Variants in ANKRD45 observed in about 807,000 individuals in gnomAD.
ANKRD45 encodes ankyrin repeat domain 45.
In ANKRD45, 21 loss-of-function variants were observed where a neutral mutation model predicts 28.1. The ratio of observed to expected loss-of-function variants is 0.75; its 90% CI spans 0.53 to 1.08. The LOEUF (loss-of-function observed/expected upper bound fraction) is 1.08, where lower values mean the gene tolerates loss of function less well. Among genes scored for constraint, ANKRD45 ranks in the 50% least tolerant of loss-of-function variants. The probability of loss-of-function intolerance (pLI) is 0.00; values close to 1 mark genes in which losing one functional copy is unlikely to be tolerated. For synonymous variants in ANKRD45, 86 were observed against 103.9 expected (o/e 0.83, Z 1.05); for missense variants, 261 against 308.7 (o/e 0.85, Z 1.16).
At chr1:173,681,654 C>T in the ANKRD45 span, among the ~76,000 whole-genome samples, 51 of 152,070 alleles carry the variant, frequency 3.4e-4, no homozygotes, top group South Asian at 7.3e-3. Flanking sequence ...AGCTACATAG[C>T]CTTAAATTTG....
chr1:173,638,156 C>G (rs1248631717), intron 3 of ANKRD45, among the ~76,000 whole-genome samples: 4 of 151,804 alleles, frequency 2.6e-5, no homozygotes, highest in Non-Finnish European at 5.9e-5. Flanking sequence ...TGCATGAACA[C>G]AAACAGGAAG....
intron 2 of ANKRD45, chr1:173,658,179 C>T: frequency 5.8e-6 from 1 of 172,008 alleles, no homozygotes; most frequent in Non-Finnish European, 1.3e-5. Flanking sequence ...CAAAAATTAG[C>T]CAGGCGTGGT....
intron 1 of ANKRD45, among the ~76,000 whole-genome samples, chr1:173,665,394 A>G (rs1669963373): frequency 6.6e-6 from 1 of 152,172 alleles, no homozygotes; most frequent in African/African-American, 2.4e-5. Context: ...ATGAATAAAT[A>G]ATTTTCTACC....
rs966983313 is a variant in ANKRD45, at chr1:173,609,564, G to C, written c.*581C>G. 2.0e-5 allele frequency: 3 copies of C among 152,332 alleles called. No homozygotes were observed. Among genetic ancestry groups the C allele is most frequent in the Non-Finnish European group, 4.4e-5 (3 of 68,186 alleles). 9.4% of individuals were successfully genotyped at this position (152,332 alleles called of 1,614,324 possible). On this transcript the variant is annotated 3_prime_UTR_variant, in exon 6 of 6. Transcript: ENST00000333279. ...TTACAGAATAGGAGAACTCTTCTAA[G>C]TATAAAACTATACAGATTTGTGTTT...
At chr1:173,709,966 C>T in the ANKRD45 span, among the ~76,000 whole-genome samples, 7 of 152,236 alleles carry the variant, frequency 4.6e-5, no homozygotes, top group Non-Finnish European at 8.8e-5. Context: ...TTTCAATTAC[C>T]GCAATCGTAA....
At chr1:173,647,332 G>A (rs1210095337) in intron 2 of ANKRD45, among the ~76,000 whole-genome samples, 1 of 152,132 alleles carries the variant, frequency 6.6e-6, no homozygotes, top group Non-Finnish European at 1.5e-5. Context: ...TCAACATCAT[G>A]GGAGGAAGAT....
At chr1:173,613,865 G>T (rs1197797203) in intron 5 of ANKRD45, among the ~76,000 whole-genome samples, 3 of 152,344 alleles carry the variant, frequency 2.0e-5, no homozygotes, top group African/African-American at 7.2e-5. Context: ...AAATCAGATT[G>T]TTGCTGTGTC....
chr1:173,698,737 C>A, the ANKRD45 span, among the ~76,000 whole-genome samples: 2 of 152,058 alleles, frequency 1.3e-5, no homozygotes, highest in Non-Finnish European at 2.9e-5. Flanking sequence ...GAAATCAACA[C>A]CCTAACATCA....
chr1:173,669,336 C>A, intron 1 of ANKRD45: 1 of 425,382 alleles, frequency 2.4e-6, no homozygotes, highest in Non-Finnish European at 4.6e-6. Flanking sequence ...GGCGACGCAG[C>A]CTGAAGTTGT....
At chr1:173,683,571 AAGATAGCTCATG>A in the ANKRD45 span, among the ~76,000 whole-genome samples, 2 of 152,132 alleles carry the variant, frequency 1.3e-5, no homozygotes, top group African/African-American at 4.8e-5. Context: ...TTGAACCATT[AAGATAGCTCATG>A]CTGGTACCAA....
At chr1:173,712,755 T>C in the ANKRD45 span, among the ~76,000 whole-genome samples, 1 of 152,178 alleles carries the variant, frequency 6.6e-6, no homozygotes, top group African/African-American at 2.4e-5. Context: ...TTTTAAAAAA[T>C]CTATGGTATA....
the ANKRD45 span, among the ~76,000 whole-genome samples, chr1:173,693,791 T>C: frequency 8.5e-5 from 13 of 152,238 alleles, no homozygotes; most frequent in African/African-American, 2.7e-4. Flanking sequence ...GCTTTTTCTT[T>C]GCTCATTGAT....
At chr1:173,709,432 T>A in the ANKRD45 span, among the ~76,000 whole-genome samples, 10 of 152,150 alleles carry the variant, frequency 6.6e-5, no homozygotes, top group Non-Finnish European at 1.5e-4. Flanking sequence ...AGTCCTTTAA[T>A]AACCTAATAT....
chr1:173,652,515 T>C (rs1669280420), intron 2 of ANKRD45, among the ~76,000 whole-genome samples: 1 of 152,210 alleles, frequency 6.6e-6, no homozygotes, highest in Admixed American at 6.5e-5. Flanking sequence ...ATATTGAGGA[T>C]TTTCACATCG....
At chr1:173,683,404 C>T in the ANKRD45 span, among the ~76,000 whole-genome samples, 10 of 152,222 alleles carry the variant, frequency 6.6e-5, no homozygotes, top group African/African-American at 2.4e-4. Flanking sequence ...AACTTGCCTT[C>T]CTTGTGCTGA....
chr1:173,662,965 T>C (rs756422866), intron 1 of ANKRD45, among the ~76,000 whole-genome samples: 2 of 152,026 alleles, frequency 1.3e-5, no homozygotes, highest in Non-Finnish European at 2.9e-5. Flanking sequence ...GTATTTGAGA[T>C]GGTTTAGTTC....
At chr1:173,657,470 G>GAA (rs761648464) in intron 2 of ANKRD45, 11 of 141,454 alleles carry the variant, frequency 7.8e-5, no homozygotes, top group East Asian at 2.1e-4. Flanking sequence ...TCTGTCTCAA[G>GAA]AAAAAAAAAA....
chr1:173,671,290 G>C (rs1257151468), upstream of ANKRD45, among the ~76,000 whole-genome samples: 1 of 152,082 alleles, frequency 6.6e-6, no homozygotes, highest in Non-Finnish European at 1.5e-5. Flanking sequence ...ATTTGCCGGG[G>C]CCTGTTTTCT....
chr1:173,701,728 T>A, the ANKRD45 span, among the ~76,000 whole-genome samples: 1 of 152,074 alleles, frequency 6.6e-6, no homozygotes, highest in Non-Finnish European at 1.5e-5. Context: ...AAATGACAAG[T>A]TAATGGGTGC....
Sources: allele counts gnomAD v4.1 joint callset (sites outside exome capture counted in the v4.1 genomes callset), GRCh38; gene constraint gnomAD v4.1.1; transcripts MANE v1.5; gene names NCBI Gene and HGNC (gene_info 2026-07-23, HGNC 2026-07-21).